SLC25A16: variants seen among roughly 807,000 people sequenced by gnomAD.
SLC25A16 encodes the protein mitochondrial coenzyme A transporter SLC25A16.
SLC25A16 carries 39 observed loss-of-function variants against 41.5 expected under a neutral mutation model. The observed-to-expected ratio is 0.94, with a 90% CI of 0.73 to 1.23. The LOEUF is 1.23. SLC25A16 is among the 50% of genes most tolerant of loss of function. SLC25A16 has a pLI of 0.00. For synonymous variants in SLC25A16, 146 were observed against 147.8 expected (o/e 0.99, Z 0.09); for missense variants, 421 against 426.9 (o/e 0.99, Z 0.12).
At chr10:68,504,873 TC>T (rs1174962119) in intron 3 of SLC25A16, among the ~76,000 whole-genome samples, 3 of 151,574 alleles carry the variant, frequency 2.0e-5, no homozygotes, top group Non-Finnish European at 4.4e-5. Context: ...AGAGAAGGGG[TC>T]TCTCCATGTT....
rs1491091293 is a variant in SLC25A16, at chr10:68,486,229, AAC to A, written c.842+913_842+914del. Among the ~76,000 whole-genome samples, 94 of 142,402 alleles carry A rather than the reference AAC, an allele frequency of 6.6e-4. 2 individuals are homozygous for A. Among genetic ancestry groups the A allele is most frequent in the African/African-American group, 2.2e-3 (83 of 37,024 alleles). 93.4% of individuals were successfully genotyped at this position (142,402 alleles called of 152,430 possible). On this transcript the variant is annotated intron_variant, in intron 8 of 8. Coordinates refer to ENST00000609923, the MANE Select transcript of SLC25A16 (RefSeq NM_152707.4). Reference sequence around the variant, plus strand: ...GTGAGACTTTGTCTCAAAAAAACAAAACAAAAAAAAAAAAAAAACACAACCTC... The same window carrying A: ...GTGAGACTTTGTCTCAAAAAAACAAAAAAAAAAAAAAAAAAACACAACCTC...
intron 4 of SLC25A16, chr10:68,499,653 A>T (rs1250349398): frequency 8.3e-6 from 3 of 359,932 alleles, no homozygotes; most frequent in Non-Finnish European, 1.6e-5. Flanking sequence ...CTGAGACAGA[A>T]ATACAATGTG....
At chr10:68,503,006 G>A (rs2052883634) in intron 4 of SLC25A16, 1 of 150,960 alleles carries the variant, frequency 6.6e-6, no homozygotes, top group Non-Finnish European at 1.5e-5. Flanking sequence ...GAGAAGAGAG[G>A]GAAAGGAAAG....
At position 68,483,050 on chromosome 10, in the gene SLC25A16, A is replaced by AT. The variant is rs1228001102; in HGVS notation, c.*381dup. 1 of 154,860 alleles carries AT rather than the reference A, an allele frequency of 6.5e-6. No individual in the cohort carries two copies. Among genetic ancestry groups the AT allele is most frequent in the Non-Finnish European group, 1.4e-5 (1 of 69,918 alleles). The allele number at this position is 154,860 out of a possible 1,614,324, so 9.6% of individuals were successfully genotyped here. A position where few individuals can be genotyped will look rare whatever the true frequency, so the allele number is the denominator to read the frequency against. On this transcript the variant is annotated 3_prime_UTR_variant, in exon 9 of 9. Transcript: ENST00000609923. ...TATTGCAATATAACCAACCCTGTTT[A>AT]TTTTAATAATAATAAACACTGTCAG...
intron 7 of SLC25A16, among the ~76,000 whole-genome samples, 179 bp from the exon 8 acceptor site, chr10:68,487,391 G>A (rs1352846930): frequency 6.6e-6 from 1 of 152,146 alleles, no homozygotes; most frequent in Non-Finnish European, 1.5e-5. Context: ...AGAAGTCTTT[G>A]CTTATGTGAT....
rs991996710 is a variant in SLC25A16, at chr10:68,527,437, A to G, written c.-62T>C. On this transcript the variant is annotated 5_prime_UTR_variant, in exon 1 of 9. Transcript: ENST00000609923. Reference sequence around the variant, plus strand: ...CTTACAGAACACCGGACGGGACCATAGCCGGAACAGGCGGTGACAGGAGGC... The same window carrying G: ...CTTACAGAACACCGGACGGGACCATGGCCGGAACAGGCGGTGACAGGAGGC... The G allele has an allele frequency of 5.4e-5, 76 of 1,400,438 alleles. No homozygotes were observed. Among genetic ancestry groups the G allele is most frequent in the Non-Finnish European group, 6.6e-5 (71 of 1,083,488 alleles). 86.8% of individuals were successfully genotyped at this position (1,400,438 alleles called of 1,614,324 possible).
Position 68,487,205 on chromosome 10 carries a change from A to T in SLC25A16, c.781T>A (p.Phe261Ile), listed in dbSNP as rs1205523682. The change falls in exon 8 of 9, where the codon TTT becomes ATT. Residue 261 changes from phenylalanine (F) to isoleucine (I), a missense_variant. Physicochemically the swap from Phe to Ile is conservative, Grantham distance 21 (BLOSUM62 0). Coordinates refer to ENST00000609923, the MANE Select transcript of SLC25A16 (RefSeq NM_152707.4). ...TGCATTCGCCGACGAGTCACATCAA[A>T]TGGGTAGCTAAAAGAAGAAAAAGGC... ...GAIAQTISYP[F>I]DVTRRRMQLG... 4 of 1,613,306 alleles carry T rather than the reference A, an allele frequency of 2.5e-6. No individual in the cohort carries two copies. The Admixed American group carries it at 5.0e-5, about 20-fold the overall frequency.
At chr10:68,488,208 C>G (rs2052596535) in intron 7 of SLC25A16, among the ~76,000 whole-genome samples, 1 of 152,054 alleles carries the variant, frequency 6.6e-6, no homozygotes, top group South Asian at 2.1e-4. Context: ...GCCTCAAACT[C>G]CTGGGCTCAA....
intron 2 of SLC25A16, among the ~76,000 whole-genome samples, chr10:68,507,350 C>A (rs150740619): frequency 2.0e-5 from 3 of 151,944 alleles, no homozygotes; most frequent in Non-Finnish European, 4.4e-5. Context: ...GGATTACAGG[C>A]GTGACCCACT....
chr10:68,498,808 A>C (rs2052793960), intron 4 of SLC25A16, among the ~76,000 whole-genome samples: 1 of 152,220 alleles, frequency 6.6e-6, no homozygotes, highest in African/African-American at 2.4e-5. Context: ...CCGTATGGTC[A>C]TTCTGGTTGC....
chr10:68,525,707 T>C (rs1385556611), intron 1 of SLC25A16, among the ~76,000 whole-genome samples: 1 of 152,160 alleles, frequency 6.6e-6, no homozygotes, highest in African/African-American at 2.4e-5. Context: ...ATTGTTACTG[T>C]GTCTGTGTAG....
chr10:68,485,637 C>T (rs1434732759), intron 8 of SLC25A16, among the ~76,000 whole-genome samples: 3 of 151,880 alleles, frequency 2.0e-5, no homozygotes, highest in African/African-American at 4.8e-5. Context: ...CCCACCTCTG[C>T]CTCCCAAAGT....
intron 4 of SLC25A16, chr10:68,499,649 C>A: frequency 2.8e-6 from 1 of 355,590 alleles, no homozygotes; most frequent in South Asian, 2.9e-5. Context: ...AGAGCTGAGA[C>A]AGAAATACAA....
chr10:68,483,195 G>A lies in SLC25A16; in HGVS notation c.*237C>T, dbSNP rs2052505346. ...CCAAATAAAACTTTAAAGCGGTTTA[G>A]CCAGCATCAGCTTAGGAATATTTTC... On this transcript the variant is annotated 3_prime_UTR_variant, in exon 9 of 9. Coordinates refer to ENST00000609923, the MANE Select transcript of SLC25A16 (RefSeq NM_152707.4). The A allele has an allele frequency of 3.0e-6, 1 of 331,304 alleles. No homozygotes were observed. Among genetic ancestry groups the A allele is most frequent in the Non-Finnish European group, 5.4e-6 (1 of 183,810 alleles). 20.5% of individuals were successfully genotyped at this position (331,304 alleles called of 1,614,324 possible). A position where few individuals can be genotyped will look rare whatever the true frequency, so the allele number is the denominator to read the frequency against.
At chr10:68,503,389 G>A (rs923160132) in intron 4 of SLC25A16, 33 of 344,940 alleles carry the variant, frequency 9.6e-5, no homozygotes, top group South Asian at 5.6e-4. Flanking sequence ...TTCAGTTGGC[G>A]TACTGATAAT....
At chr10:68,517,170 G>A (rs999187559) in intron 1 of SLC25A16, 13 of 1,016,614 alleles carry the variant, frequency 1.3e-5, no homozygotes, top group Non-Finnish European at 1.5e-5. Context: ...TCTGTTTGAA[G>A]TAACCTCCTC....
intron 2 of SLC25A16, among the ~76,000 whole-genome samples, chr10:68,506,983 G>A (rs1015594484): frequency 6.7e-6 from 1 of 149,288 alleles, no homozygotes; most frequent in African/African-American, 2.5e-5. Flanking sequence ...TATAATAATA[G>A]CAAATTATAT....
At chr10:68,516,323 C>G (rs61856475) in intron 2 of SLC25A16, among the ~76,000 whole-genome samples, 16,349 of 151,852 alleles carry the variant, frequency 0.11, 989 homozygotes, top group South Asian at 0.24. Context: ...TGGCTAGCAA[C>G]TTAGAACTTT....
Position 68,503,378 on chromosome 10 carries a change from T to C in SLC25A16, c.421+254A>G. Reference sequence around the variant, plus strand: ...TATCCTCTACTGTAAAATGACTCTTTTTCAGTTGGCGTACTGATAATTTCA... The same window carrying C: ...TATCCTCTACTGTAAAATGACTCTTCTTCAGTTGGCGTACTGATAATTTCA... On this transcript the variant is annotated intron_variant, in intron 4 of 8. Transcript: ENST00000609923. 3 of 321,342 alleles carry C rather than the reference T, an allele frequency of 9.3e-6. 1 individual carries two copies. The South Asian group carries it at 3.1e-4, about 34-fold the overall frequency. 19.9% of individuals were successfully genotyped at this position (321,342 alleles called of 1,614,324 possible).
Sources: allele counts gnomAD v4.1 joint callset (sites outside exome capture counted in the v4.1 genomes callset), GRCh38; gene constraint gnomAD v4.1.1; transcripts MANE v1.5; gene names NCBI Gene and HGNC (gene_info 2026-07-23, HGNC 2026-07-21).